Variants in DRD2 observed in about 807,000 individuals in gnomAD.
DRD2 encodes the protein dopamine receptor D2.
A neutral mutation model predicts 38.0 loss-of-function variants in DRD2; 8 were observed. That is an observed-to-expected ratio of 0.21 (90% confidence interval 0.12 to 0.38). The LOEUF is 0.38. DRD2 is among the 10% of genes least tolerant of loss of function. The probability of loss-of-function intolerance (pLI) is 1.00; values close to 1 mark genes in which losing one functional copy is unlikely to be tolerated. For missense variants in DRD2, 403 were observed against 607.7 expected, an observed-to-expected ratio of 0.66 and a Z score of 3.54; for synonymous variants, 230 against 238.6, an observed-to-expected ratio of 0.96 and a Z score of 0.33.
intron 1 of DRD2, among the ~76,000 whole-genome samples, chr11:113,450,640 A>T (rs1413437148): frequency 6.6e-6 from 1 of 152,212 alleles, no homozygotes; most frequent in African/African-American, 2.4e-5. Context: ...ATTCTCACTC[A>T]ATCTCTTTAA....
At chr11:113,462,003 A>G (rs1184614770) in intron 1 of DRD2, among the ~76,000 whole-genome samples, 1 of 151,888 alleles carries the variant, frequency 6.6e-6, no homozygotes, top group Non-Finnish European at 1.5e-5. Context: ...CTCTTCCTCC[A>G]AACTCCCTTT....
Position 113,441,371 on chromosome 11 carries a change from C to T in DRD2, c.-31-16689G>A, listed in dbSNP as rs200605992. 2.6e-5 allele frequency among the ~76,000 whole-genome samples: 4 copies of T among 152,348 alleles called. No individual in the cohort carries two copies. The East Asian group carries it at 7.7e-4, about 29-fold the overall frequency. On this transcript the variant is annotated intron_variant, in intron 1 of 7. Coordinates refer to ENST00000362072, the MANE Select transcript of DRD2 (RefSeq NM_000795.4). ...TTGGTACTGGTTAGCTAATCTCCTT[C>T]ATGCCCAGGGACTGCAAACTGGTAG...
At position 113,415,768 on chromosome 11, in the gene DRD2, C is replaced by T. The variant is rs2734839; in HGVS notation, c.533-157G>A. On this transcript the variant is annotated intron_variant, in intron 4 of 7. Transcript: ENST00000362072. ...AGGCTGCCTGGTCATCTTAGATATA[C>T]ACAAACGCACAGCAGATACCAGAGT... Among the ~76,000 whole-genome samples the T allele has an allele frequency of 0.48, 72,978 of 151,974 alleles. 19,144 individuals carry two copies. Among genetic ancestry groups the T allele is most frequent in the Non-Finnish European group, 0.6 (40,928 of 67,968 alleles).
intron 1 of DRD2, among the ~76,000 whole-genome samples, chr11:113,457,514 TCAA>T (rs1951278633): frequency 6.6e-6 from 1 of 152,000 alleles, no homozygotes; most frequent in African/African-American, 2.4e-5. Context: ...CTCACTGGCT[TCAA>T]GGTCTCCTGC....
At chr11:113,424,304 C>A (rs886776962) in intron 2 of DRD2, 63 bp downstream of exon 2, 56 of 1,565,952 alleles carry the variant, frequency 3.6e-5, no homozygotes, top group Non-Finnish European at 1.7e-5. Context: ...GAGCTAGAGT[C>A]CCCAGTGTCC....
At chr11:113,431,819 G>A (rs531020530) in intron 1 of DRD2, among the ~76,000 whole-genome samples, 17 of 152,314 alleles carry the variant, frequency 1.1e-4, no homozygotes, top group African/African-American at 3.6e-4. Flanking sequence ...TTTTCTGTGC[G>A]TGCCCTAATT....
intron 1 of DRD2, among the ~76,000 whole-genome samples, chr11:113,460,956 C>G (rs1591301825): frequency 6.6e-6 from 1 of 152,254 alleles, no homozygotes; most frequent in Non-Finnish European, 1.5e-5. Flanking sequence ...TACCTTCCCT[C>G]ACCTATCACA....
chr11:113,435,429 C>T (rs970575909), intron 1 of DRD2, among the ~76,000 whole-genome samples: 4 of 152,036 alleles, frequency 2.6e-5, no homozygotes, highest in Non-Finnish European at 4.4e-5. Flanking sequence ...CCTCACCGCT[C>T]CGATACTGTG....
At chr11:113,447,281 T>C (rs950383586) in intron 1 of DRD2, among the ~76,000 whole-genome samples, 40 of 152,158 alleles carry the variant, frequency 2.6e-4, no homozygotes, top group Admixed American at 2.0e-4. Flanking sequence ...TCCGTGATGT[T>C]GTTCTTTAAA....
At chr11:113,464,443 C>T (rs1951350010) in intron 1 of DRD2, among the ~76,000 whole-genome samples, 1 of 152,214 alleles carries the variant, frequency 6.6e-6, no homozygotes, top group Non-Finnish European at 1.5e-5. Flanking sequence ...GCCATCCATA[C>T]ATTCCTGGTC....
At chr11:113,448,010 A>G (rs1038990734) in intron 1 of DRD2, among the ~76,000 whole-genome samples, 1 of 152,138 alleles carries the variant, frequency 6.6e-6, no homozygotes, top group African/African-American at 2.4e-5. Context: ...GTCTGAGGCC[A>G]TGATGAAGGT....
chr11:113,428,829 G>A (rs1950961438), intron 1 of DRD2, among the ~76,000 whole-genome samples: 1 of 152,124 alleles, frequency 6.6e-6, no homozygotes, highest in Admixed American at 6.5e-5. Context: ...GTCTCACTAT[G>A]TTGCCCAGGC....
At chr11:113,437,564 T>C (rs1951050330) in intron 1 of DRD2, among the ~76,000 whole-genome samples, 2 of 152,190 alleles carry the variant, frequency 1.3e-5, no homozygotes, top group Non-Finnish European at 2.9e-5. Flanking sequence ...GGCAACCTCA[T>C]GTTTTCCAGA....
intron 2 of DRD2, among the ~76,000 whole-genome samples, chr11:113,421,189 C>T (rs748221814): frequency 2.0e-5 from 3 of 152,112 alleles, no homozygotes; most frequent in Non-Finnish European, 4.4e-5. Flanking sequence ...ATAATTTTTC[C>T]GAAAGCATCA....
intron 6 of DRD2, chr11:113,413,769 A>G (rs975646234): frequency 9.4e-6 from 2 of 212,692 alleles, no homozygotes; most frequent in Non-Finnish European, 1.9e-5. Flanking sequence ...TGGTACAGCT[A>G]CCACCTGGCA....
chr11:113,474,947 G>A (rs79092434), intron 1 of DRD2, 129 bp downstream of exon 1: 11,214 of 152,286 alleles, frequency 0.074, 478 homozygotes, highest in East Asian at 0.18. Flanking sequence ...GATCCCAGGC[G>A]GGCGCTCCCG....
At chr11:113,417,671 T>C (rs1300994308) in intron 3 of DRD2, among the ~76,000 whole-genome samples, 3 of 152,178 alleles carry the variant, frequency 2.0e-5, no homozygotes, top group Non-Finnish European at 4.4e-5. Flanking sequence ...TGTAGGTTTC[T>C]AGAAAATGAA....
In DRD2 at chr11:113,424,539, G is replaced by A. The variant is rs767413934; in HGVS notation, c.113C>T (p.Ala38Val). 3.1e-6 allele frequency: 5 copies of A among 1,614,230 alleles called. No homozygotes were observed. In the South Asian group the frequency reaches 5.5e-5, roughly 18 times the overall value. The change falls in exon 2 of 8, where the codon GCC becomes GTC. Residue 38 changes from alanine to valine, a missense_variant. By Grantham distance (64) the Ala-to-Val change is moderately conservative. Coordinates refer to ENST00000362072, the MANE Select transcript of DRD2 (RefSeq NM_000795.4). ...KADRPHYNYY[A>V]TLLTLLIAVI... ...AGCGATGAGCAGGGTGAGCAGTGTG[G>A]CATAGTAGTTGTAGTGGGGTCTGTC... is the stretch of plus-strand genomic sequence containing the variant.
At chr11:113,463,787 G>A (rs1951344034) in intron 1 of DRD2, among the ~76,000 whole-genome samples, 1 of 152,216 alleles carries the variant, frequency 6.6e-6, no homozygotes, top group Non-Finnish European at 1.5e-5. Context: ...AATAAGCAAT[G>A]ACAACATAAC....
Sources: allele counts gnomAD v4.1 joint callset (sites outside exome capture counted in the v4.1 genomes callset), GRCh38; gene constraint gnomAD v4.1.1; transcripts MANE v1.5; gene names NCBI Gene and HGNC (gene_info 2026-07-23, HGNC 2026-07-21).